BRCA1: variants seen among roughly 807,000 people sequenced by gnomAD.
BRCA1 encodes the protein breast cancer type 1 susceptibility protein.
In BRCA1, 140 loss-of-function variants were observed where a neutral mutation model predicts 173.7. The observed-to-expected ratio is 0.81, with a 90% CI of 0.70 to 0.93. The LOEUF (loss-of-function observed/expected upper bound fraction) is 0.93. Ranked by LOEUF, BRCA1 falls within the 40% of genes least tolerant of loss-of-function variation. The pLI is 0.00. For synonymous variants in BRCA1, 662 were observed against 756.0 expected (o/e 0.88, Z 2.04); for missense variants, 1,983 against 2,172.5 (o/e 0.91, Z 1.73).
rs778215185 is a variant in BRCA1, at chr17:43,093,482, C to T, written c.2049G>A (p.Lys683=). The change falls in exon 10 of 23, where the codon AAG becomes AAA. Residue 683 remains lysine, a synonymous_variant. Coordinates refer to ENST00000357654, the MANE Select transcript of BRCA1 (RefSeq NM_007294.4). ...EPATGAKKSN[K]PNEQTSKRHD... ...GTCTTTTACTTGTCTGTTCATTTGG[C>T]TTGTTACTCTTCTTGGCTCCAGTTG... is the stretch of plus-strand genomic sequence containing the variant. 4 of 1,613,992 alleles carry T rather than the reference C, an allele frequency of 2.5e-6. No homozygotes were observed. The South Asian group carries it at 4.4e-5, about 18-fold the overall frequency.
chr17:43,061,416 C>T (rs929152167), intron 18 of BRCA1, among the ~76,000 whole-genome samples: 3 of 152,072 alleles, frequency 2.0e-5, no homozygotes, highest in African/African-American at 4.8e-5. Flanking sequence ...CTCGACAGAA[C>T]CTGAATCCTA....
intron 6 of BRCA1, among the ~76,000 whole-genome samples, chr17:43,100,627 A>ATG (rs1567807330): frequency 1.5e-4 from 2 of 13,194 alleles, no homozygotes; most frequent in African/African-American, 2.8e-4. Context: ...TAACATATAT[A>ATG]TATGTTATAT....
rs143042094 is a variant in BRCA1, at chr17:43,054,613, A to T, written c.5277+2439T>A. On this transcript the variant is annotated intron_variant, in intron 19 of 22. Transcript: ENST00000357654. ...TGCTACGACACCCAATTAATTTTTA[A>T]ATTTTTTTGTAGAGACAGGGTCTTA... Among the ~76,000 whole-genome samples the T allele has an allele frequency of 0.014, 2,105 of 151,908 alleles. 28 individuals carry two copies. The highest frequency in any genetic ancestry group is 0.032 in the South Asian group (153 of 4,802).
At chr17:43,068,537 T>C (rs1195295987) in intron 15 of BRCA1, among the ~76,000 whole-genome samples, 3 of 148,928 alleles carry the variant, frequency 2.0e-5, no homozygotes, top group Non-Finnish European at 4.5e-5. Flanking sequence ...GGCAATACAG[T>C]GAGATTTCAT....
rs552527524 is a variant in BRCA1, at chr17:43,059,498, C to T, written c.5194-2363G>A. On this transcript the variant is annotated intron_variant, in intron 18 of 22. Coordinates refer to ENST00000357654, the MANE Select transcript of BRCA1 (RefSeq NM_007294.4). ...ACAACAACAACAACAACAACAACAA[C>T]AACAACAACAACAACAAATTCTCAC... Among the ~76,000 whole-genome samples the T allele has an allele frequency of 4.6e-5, 7 of 152,034 alleles. No individual in the cohort carries two copies. The South Asian group carries it at 1.5e-3, about 32-fold the overall frequency.
Position 43,044,515 on chromosome 17 carries a change from A to T in BRCA1, c.*1163T>A, listed in dbSNP as rs1367326389. 1 of 506,402 alleles carries T rather than the reference A, an allele frequency of 2.0e-6. No homozygotes were observed. The highest frequency in any genetic ancestry group is 4.4e-5 in the East Asian group (1 of 22,574). 31.4% of individuals were successfully genotyped at this position (506,402 alleles called of 1,614,324 possible). A position where few individuals can be genotyped will look rare whatever the true frequency, so the allele number is the denominator to read the frequency against. ...TTTATGAAGCTGTATGGTTTCAGCA[A>T]CAGGGAGCAAAGGAAAAAAATCACC... On this transcript the variant is annotated 3_prime_UTR_variant, in exon 23 of 23. Coordinates refer to ENST00000357654, the MANE Select transcript of BRCA1 (RefSeq NM_007294.4).
Position 43,074,383 on chromosome 17 carries a change from C to T in BRCA1, c.4623G>A (p.Glu1541=). ...VVDVEEQQLE[E]SGPHDLTETS... ...TTTCCGTCAAATCGTGTGGCCCAGA[C>T]TCTTCCAGCTGTTGCTCCTCCACAT... is the stretch of plus-strand genomic sequence containing the variant. Residue 1541 remains glutamate, a synonymous_variant, in exon 14 of 23, where the codon GAG becomes GAA. Coordinates refer to ENST00000357654, the MANE Select transcript of BRCA1 (RefSeq NM_007294.4). The T allele has an allele frequency of 6.2e-7, 1 of 1,614,134 alleles. No homozygotes were observed. The highest frequency in any genetic ancestry group is 1.1e-5 in the South Asian group (1 of 91,078).
At chr17:43,104,083 AAAGAAG>A (rs147856441) in intron 6 of BRCA1, 33 bp downstream of exon 6, 85 of 1,124,644 alleles carry the variant, frequency 7.6e-5, no homozygotes, top group African/African-American at 1.0e-4. Context: ...AAAAAAAAGA[AAAGAAG>A]AAGAAGAAGA....
intron 11 of BRCA1, among the ~76,000 whole-genome samples, chr17:43,087,888 A>G (rs2053291060): frequency 6.7e-6 from 1 of 148,588 alleles, no homozygotes; most frequent in African/African-American, 2.5e-5. Flanking sequence ...TGCACCACTA[A>G]GCCTCACTAA....
At position 43,092,239 on chromosome 17, in the gene BRCA1, G is replaced by C. The variant is rs879255291; in HGVS notation, c.3292C>G (p.Leu1098Val). 1 of 1,613,550 alleles carries C rather than the reference G, an allele frequency of 6.2e-7. No individual in the cohort carries two copies. The highest frequency in any genetic ancestry group is 1.1e-5 in the South Asian group (1 of 91,062). The change falls in exon 10 of 23, where the codon CTT (leucine) becomes GTT (valine). Residue 1098 changes from leucine (L) to valine (V), a missense_variant. Leu to Val is a conservative substitution (Grantham distance 32). Transcript: ENST00000357654. ...GGATGCTTACAATTACTTCCAGGAA[G>C]ACTTTGTTTATAGACCTCAGGTTGC... ...VLQPEVYKQS[L>V]PGSNCKHPEI...
At chr17:43,065,167 G>A (rs568652972) in intron 16 of BRCA1, among the ~76,000 whole-genome samples, 2 of 152,110 alleles carry the variant, frequency 1.3e-5, no homozygotes, top group South Asian at 2.1e-4. Context: ...CAAACCTATA[G>A]CTTAAGGTAT....
At chr17:43,115,239 C>T (rs1203566555) in intron 3 of BRCA1, among the ~76,000 whole-genome samples, 1 of 152,174 alleles carries the variant, frequency 6.6e-6, no homozygotes, top group East Asian at 1.9e-4. Context: ...TGTGGTGGCT[C>T]ACGCCTGTAA....
At position 43,070,984 on chromosome 17, in the gene BRCA1, C is replaced by T. The variant is rs397509205; in HGVS notation, c.4930G>A (p.Glu1644Lys). 1 of 1,614,238 alleles carries T rather than the reference C, an allele frequency of 6.2e-7. No individual in the cohort carries two copies. The highest frequency in any genetic ancestry group is 8.5e-7 in the Non-Finnish European group (1 of 1,180,038). ...ATGGACATTCTTTTGTTGACCCTTT[C>T]TGTTGAAGCTGTCAATTCTGGCTTC... is the stretch of plus-strand genomic sequence containing the variant. Reference protein sequence around the residue: ...REKPELTASTERVNKRMSMVV... With the variant: ...REKPELTASTKRVNKRMSMVV... The change falls in exon 15 of 23, where the codon GAA becomes AAA. Residue 1644 changes from glutamate to lysine, a missense_variant. Physicochemically the swap from Glu to Lys is moderately conservative, Grantham distance 56. Transcript: ENST00000357654.
intron 1 of BRCA1, among the ~76,000 whole-genome samples, chr17:43,146,299 C>CTTTTTTTT (rs774223347): frequency 3.9e-5 from 3 of 76,116 alleles, no homozygotes; most frequent in East Asian, 4.0e-4. Flanking sequence ...ATTTTTGTTA[C>CTTTTTTTT]TTTTTTTTTT....
intron 1 of BRCA1, chr17:43,164,000 G>A (rs2056251906): frequency 6.6e-6 from 1 of 152,254 alleles, no homozygotes; most frequent in African/African-American, 2.4e-5. Context: ...TGGTCGACTG[G>A]AGGACCACCT....
At chr17:43,119,156 A>G (rs2055432086) in intron 2 of BRCA1, 1 of 215,312 alleles carries the variant, frequency 4.6e-6, no homozygotes, top group Non-Finnish European at 9.4e-6. Flanking sequence ...TTTTCCTTAA[A>G]TATTTAACTT....
In BRCA1 at chr17:43,071,212, T is replaced by C. The variant is rs80357119; in HGVS notation, c.4702A>G (p.Ile1568Val). 2.5e-6 allele frequency: 4 copies of C among 1,614,196 alleles called. No homozygotes were observed. Among genetic ancestry groups the C allele is most frequent in the Non-Finnish European group, 2.5e-6 (3 of 1,180,038 alleles). The change falls in exon 15 of 23, where the codon ATC becomes GTC. Residue 1568 changes from isoleucine to valine, a missense_variant. Coordinates refer to ENST00000357654, the MANE Select transcript of BRCA1 (RefSeq NM_007294.4). ...LEGTPYLESG[I>V]SLFSDDPESD... The stretch of plus-strand genomic sequence containing the variant: ...TCAGGGTCATCAGAGAAGAGGCTGA[T>C]TCCAGATTCCAGGTAAGGGGTTCCC...
At chr17:43,142,940 GTATATATATA>G (rs1257944802) in intron 1 of BRCA1, among the ~76,000 whole-genome samples, 6 of 145,000 alleles carry the variant, frequency 4.1e-5, no homozygotes, top group Non-Finnish European at 9.0e-5. Context: ...GTGTGTGTGT[GTATATATATA>G]TGTGTGTGTG....
At chr17:43,103,103 G>C (rs1285154891) in intron 6 of BRCA1, among the ~76,000 whole-genome samples, 2 of 152,116 alleles carry the variant, frequency 1.3e-5, no homozygotes, top group African/African-American at 4.8e-5. Flanking sequence ...AAATATCAGT[G>C]ACCTTATGGC....
Sources: allele counts gnomAD v4.1 joint callset (sites outside exome capture counted in the v4.1 genomes callset), GRCh38; gene constraint gnomAD v4.1.1; transcripts MANE v1.5; gene names NCBI Gene and HGNC (gene_info 2026-07-23, HGNC 2026-07-21).